Variants in TET3 observed in about 807,000 individuals in gnomAD.
TET3 encodes the protein methylcytosine dioxygenase TET3.
In TET3, 19 loss-of-function variants were observed where a neutral mutation model predicts 141.4. That is an observed-to-expected ratio of 0.13 (90% CI 0.09 to 0.20). The LOEUF is 0.20. Ranked by LOEUF, TET3 falls within the 10% of genes least tolerant of loss-of-function variation. TET3 has a pLI of 1.00. For missense variants in TET3, 1,874 were observed against 2,356.9 expected (o/e 0.80, Z 4.24); for synonymous variants, 1,043 against 980.9 (o/e 1.06, Z -1.18).
chr2:73,986,687 AAGT>A lies in TET3; in HGVS notation c.287_289del (p.Val96del). ...CGAAAATGTGAGGTGCTGAAGAAAA[AAGT>A]AGGGCTTCTCAAGGAGGTAAGCCGG... On this transcript the variant is annotated inframe_deletion, in exon 2 of 12. Coordinates refer to ENST00000409262, the MANE Select transcript of TET3 (RefSeq NM_001287491.2). 4 of 1,231,986 alleles carry A rather than the reference AAGT, an allele frequency of 3.2e-6. No individual in the cohort carries two copies. Among genetic ancestry groups the A allele is most frequent in the Non-Finnish European group, 4.0e-6 (4 of 987,956 alleles). 76.3% of individuals were successfully genotyped at this position (1,231,986 alleles called of 1,614,324 possible). A position where few individuals can be genotyped will look rare whatever the true frequency, so the allele number is the denominator to read the frequency against.
intron 4 of TET3, among the ~76,000 whole-genome samples, chr2:74,052,041 G>A (rs1452174910): frequency 1.3e-5 from 2 of 152,186 alleles, no homozygotes; most frequent in Non-Finnish European, 2.9e-5. Context: ...GTGCAGTGGC[G>A]TGATCTTGGC....
chr2:74,107,931 G>GAAAATAAAA lies in TET3; in HGVS notation c.*5755_*5756insAAAATAAAA, dbSNP rs1430728691. 1.3e-5 allele frequency: 2 copies of GAAAATAAAA among 152,882 alleles called. No individual in the cohort carries two copies. The highest frequency in any genetic ancestry group is 4.8e-5 in the African/African-American group (2 of 41,392). The allele number at this position is 152,882 out of a possible 1,614,324, so 9.5% of individuals were successfully genotyped here. On this transcript the variant is annotated 3_prime_UTR_variant, in exon 12 of 12. Coordinates refer to ENST00000409262, the MANE Select transcript of TET3 (RefSeq NM_001287491.2). ...TATTTTGTATAATTTTTACCTTTTT[G>GAAAATAAAA]TTAATATTTTTTCCTTCCACTTTAT...
the TET3 span, among the ~76,000 whole-genome samples, chr2:74,126,312 C>T: frequency 6.9e-3 from 1,054 of 152,240 alleles, 8 homozygotes; most frequent in Non-Finnish European, 0.012. Flanking sequence ...ATGCTTCTCA[C>T]GTCTGTAGTT....
intron 2 of TET3, among the ~76,000 whole-genome samples, chr2:73,987,033 C>T (rs1448346611): frequency 1.3e-5 from 2 of 152,180 alleles, no homozygotes; most frequent in Non-Finnish European, 2.9e-5. Flanking sequence ...CAAGCTCATG[C>T]TAATGCTTGG....
chr2:74,048,615 G>A (rs550392472), intron 4 of TET3, among the ~76,000 whole-genome samples: 3 of 152,310 alleles, frequency 2.0e-5, no homozygotes, highest in South Asian at 2.1e-4. Context: ...ATGCCACGTC[G>A]GCTGAGATGG....
chr2:74,019,991 C>G (rs900570356), intron 3 of TET3, among the ~76,000 whole-genome samples: 2 of 152,196 alleles, frequency 1.3e-5, no homozygotes, highest in African/African-American at 2.4e-5. Flanking sequence ...GAGGACTCAT[C>G]AAGGCTGGAA....
At chr2:74,096,327 C>T (rs1218962952) in intron 10 of TET3, among the ~76,000 whole-genome samples, 4 of 152,214 alleles carry the variant, frequency 2.6e-5, no homozygotes, top group African/African-American at 9.6e-5. Context: ...TAGGGCATGA[C>T]ACCAAACTCA....
At chr2:74,122,494 T>C in the TET3 span, 23 of 61,142 alleles carry the variant, frequency 3.8e-4, 1 homozygote, top group Non-Finnish European at 4.5e-4. Context: ...TACATACATA[T>C]ATATATATAT....
chr2:74,078,439 A>AC (rs1689634687), intron 5 of TET3, among the ~76,000 whole-genome samples: 1 of 152,052 alleles, frequency 6.6e-6, no homozygotes. Context: ...TTTCCCCCCC[A>AC]CTTAATTTCT....
rs906023046 is a variant in TET3, at chr2:74,081,361, G to T, written c.2679+770G>T. Among the ~76,000 whole-genome samples the T allele has an allele frequency of 6.6e-5, 10 of 152,248 alleles. 1 individual carries two copies. In the East Asian group the frequency reaches 1.9e-3, roughly 29 times the overall value. On this transcript the variant is annotated intron_variant, in intron 6 of 11. Coordinates refer to ENST00000409262, the MANE Select transcript of TET3 (RefSeq NM_001287491.2). ...AGCCTCGCGCTGTGCTGGGCAGTGG[G>T]TATGGGTGGAAGACGAGGGCTCGGT...
chr2:74,108,362 G>C (rs139632814), downstream of TET3, among the ~76,000 whole-genome samples: 201 of 152,324 alleles, frequency 1.3e-3, 1 homozygote, highest in Admixed American at 2.7e-3. Flanking sequence ...GAGGCTATCA[G>C]CTGTTAAAAC....
At chr2:74,099,739 G>A in intron 11 of TET3, 127 bp downstream of exon 11, 1 of 1,030,652 alleles carries the variant, frequency 9.7e-7, no homozygotes, top group Non-Finnish European at 1.4e-6. Context: ...AGTCAGAAGG[G>A]TATCTGCAGC....
chr2:74,094,477 C>G (rs748984646), intron 10 of TET3, among the ~76,000 whole-genome samples: 1 of 152,154 alleles, frequency 6.6e-6, no homozygotes, highest in African/African-American at 2.4e-5. Flanking sequence ...CTGTTGAGGG[C>G]TTCTCAGCTG....
chr2:74,046,509 C>G lies in TET3; in HGVS notation c.592C>G (p.His198Asp). 6.2e-7 allele frequency: 1 copy of G among 1,613,992 alleles called. No individual in the cohort carries two copies. Among genetic ancestry groups the G allele is most frequent in the East Asian group, 2.2e-5 (1 of 44,874 alleles). Residue 198 changes from histidine to aspartate, a missense_variant, in exon 4 of 12, where the codon CAC becomes GAC. Transcript: ENST00000409262. The surrounding 1 kb of genome is among the most constrained non-coding windows in gnomAD (Gnocchi z 4.3). Reference protein sequence around the residue: ...PAHTARLEDAHDLVAFSAVAE... With the variant: ...PAHTARLEDADDLVAFSAVAE... Reference sequence around the variant, plus strand: ...TCATACTGCTCGCCTGGAAGATGCCCACGATCTGGTGGCCTTTTCGGCTGT... The same window carrying G: ...TCATACTGCTCGCCTGGAAGATGCCGACGATCTGGTGGCCTTTTCGGCTGT...
At chr2:74,079,134 G>A (rs1689666899) in intron 5 of TET3, among the ~76,000 whole-genome samples, 1 of 152,196 alleles carries the variant, frequency 6.6e-6, no homozygotes, top group East Asian at 1.9e-4. Context: ...GGATCATGAG[G>A]TCAGGAGTTC....
intron 3 of TET3, among the ~76,000 whole-genome samples, chr2:74,021,254 C>T (rs1332048509): frequency 6.6e-6 from 1 of 152,230 alleles, no homozygotes; most frequent in African/African-American, 2.4e-5. Context: ...GCTGCTTTCT[C>T]AGGGTGCTGA....
rs34604399 is a variant in TET3 at position 73,985,020 on chromosome 2, T to C, written c.-562T>C. 1 allele frequency: 147,006 copies of C among 147,060 alleles called. 73,476 individuals are homozygous for C. Among genetic ancestry groups the C allele is most frequent in the Middle Eastern group, 1 (290 of 290 alleles). The allele number at this position is 147,060 out of a possible 1,614,324, so 9.1% of individuals were successfully genotyped here. On this transcript the variant is annotated 5_prime_UTR_variant, in exon 1 of 12. Coordinates refer to ENST00000409262, the MANE Select transcript of TET3 (RefSeq NM_001287491.2). Reference sequence around the variant, plus strand: ...GGCCCGGGCGGGGGGCTCCGCGCGCTGAGCTCGGTCGGGCCGGGCGCTCCG... The same window carrying C: ...GGCCCGGGCGGGGGGCTCCGCGCGCCGAGCTCGGTCGGGCCGGGCGCTCCG...
At chr2:74,108,227 T>C (rs1691612491), downstream of TET3, 1 of 153,822 alleles carries the variant, frequency 6.5e-6, no homozygotes, top group African/African-American at 2.4e-5. Context: ...TGGAATGTGA[T>C]GTGTCAGGTA....
At chr2:74,100,355 T>G in intron 11 of TET3, 38 bp from the exon 12 acceptor site, 2 of 1,544,238 alleles carry the variant, frequency 1.3e-6, no homozygotes, top group Non-Finnish European at 1.8e-6. Context: ...GCTGTGGTGT[T>G]GTCTGCCCCT....
Sources: gnomAD v4.1 joint callset for allele counts (sites outside exome capture counted in the v4.1 genomes callset) on GRCh38, gnomAD v4.1.1 for gene constraint, Gnocchi (gnomAD v3.1) non-coding constraint, MANE v1.5 for transcripts, NCBI Gene and HGNC (gene_info 2026-07-23, HGNC 2026-07-21) for gene names.